Variants in RNF214 observed in about 807,000 individuals in gnomAD.
RNF214 encodes ring finger protein 214.
Under a neutral mutation model 75.9 loss-of-function variants are expected in RNF214, and 25 were observed. That is an observed-to-expected ratio of 0.33 (90% CI 0.24 to 0.46). RNF214 has a LOEUF of 0.46. Among genes scored for constraint, RNF214 ranks in the 20% least tolerant of loss-of-function variants. The pLI is 1.00. For synonymous variants in RNF214, 314 were observed against 308.8 expected (o/e 1.02, Z -0.18); for missense variants, 725 against 857.5 (o/e 0.85, Z 1.93).
chr11:117,250,099 T>C (rs2033331623), intron 6 of RNF214, among the ~76,000 whole-genome samples: 1 of 152,080 alleles, frequency 6.6e-6, no homozygotes, highest in African/African-American at 2.4e-5. Context: ...GATTGCAAAA[T>C]AGTGTAATGA....
intron 6 of RNF214, among the ~76,000 whole-genome samples, chr11:117,273,048 A>C (rs1291798753): frequency 5.9e-5 from 9 of 152,190 alleles, no homozygotes; most frequent in Non-Finnish European, 1.3e-4. Flanking sequence ...TATTTTTCAG[A>C]TAAAGATCAG....
intron 6 of RNF214, among the ~76,000 whole-genome samples, chr11:117,259,473 A>G (rs921243395): frequency 2.6e-5 from 4 of 152,246 alleles, no homozygotes; most frequent in African/African-American, 9.6e-5. Flanking sequence ...ATGTATGAAC[A>G]GTTTTATAAG....
intron 6 of RNF214, among the ~76,000 whole-genome samples, chr11:117,264,738 A>G (rs2033756336): frequency 1.3e-5 from 2 of 151,816 alleles, no homozygotes; most frequent in Admixed American, 6.6e-5. Flanking sequence ...TTTCCCCTTC[A>G]GCCTTTCTAT....
At chr11:117,264,247 C>T (rs964255424) in intron 6 of RNF214, among the ~76,000 whole-genome samples, 5 of 151,926 alleles carry the variant, frequency 3.3e-5, no homozygotes, top group Non-Finnish European at 2.9e-5. Context: ...GGCGTGAACC[C>T]GGGAGGCGGA....
intron 6 of RNF214, among the ~76,000 whole-genome samples, chr11:117,257,517 G>A (rs1481868058): frequency 6.6e-6 from 1 of 152,218 alleles, no homozygotes; most frequent in Non-Finnish European, 1.5e-5. Flanking sequence ...GGACATTCAA[G>A]TACTCAGTAG....
At chr11:117,262,903 T>C (rs945415318) in intron 6 of RNF214, among the ~76,000 whole-genome samples, 1 of 151,890 alleles carries the variant, frequency 6.6e-6, no homozygotes, top group African/African-American at 2.4e-5. Flanking sequence ...TCAACCCGGG[T>C]TCACACAATT....
At chr11:117,279,196 A>AT (rs1196169286) in intron 6 of RNF214, among the ~76,000 whole-genome samples, 2 of 152,202 alleles carry the variant, frequency 1.3e-5, no homozygotes, top group Non-Finnish European at 2.9e-5. Context: ...AGAATGCAGA[A>AT]TGCCATAATG....
At chr11:117,244,696 C>G in intron 5 of RNF214, 111 bp downstream of exon 5, 5 of 764,214 alleles carry the variant, frequency 6.5e-6, no homozygotes, top group African/African-American at 1.9e-5. Context: ...GACAGAGTCT[C>G]ACTCTGTCAC....
chr11:117,245,438 C>A (rs1048425641), intron 5 of RNF214, among the ~76,000 whole-genome samples: 1 of 150,806 alleles, frequency 6.6e-6, no homozygotes, highest in African/African-American at 2.4e-5. Context: ...CTCCTGGATT[C>A]ACGCCATTCT....
intron 5 of RNF214, 126 bp from the exon 6 acceptor site, chr11:117,246,683 T>C: frequency 1.0e-6 from 1 of 1,002,570 alleles, no homozygotes; most frequent in Non-Finnish European, 1.4e-6. Context: ...CCACATTCTT[T>C]CAATTCAATT....
chr11:117,249,667 G>A (rs767351372), intron 6 of RNF214, among the ~76,000 whole-genome samples: 8 of 152,166 alleles, frequency 5.3e-5, no homozygotes, highest in Admixed American at 1.3e-4. Flanking sequence ...CTGGAAATCC[G>A]ACATAAAGAT....
At chr11:117,247,509 T>G (rs2033256997) in intron 6 of RNF214, among the ~76,000 whole-genome samples, 1 of 152,006 alleles carries the variant, frequency 6.6e-6, no homozygotes, top group Non-Finnish European at 1.5e-5. Flanking sequence ...AAAAAAATTT[T>G]TTTTATATGA....
chr11:117,234,902 C>T (rs1015655800), intron 2 of RNF214, among the ~76,000 whole-genome samples: 6 of 152,142 alleles, frequency 3.9e-5, no homozygotes, highest in Non-Finnish European at 7.4e-5. Context: ...ATGCTCAAGT[C>T]CCTTACATAA....
At chr11:117,264,884 T>A (rs903111132) in intron 6 of RNF214, among the ~76,000 whole-genome samples, 5 of 151,806 alleles carry the variant, frequency 3.3e-5, no homozygotes, top group Non-Finnish European at 5.9e-5. Context: ...GCCAACATGG[T>A]GAAACCTCGT....
chr11:117,252,623 C>T (rs994090566), intron 6 of RNF214, among the ~76,000 whole-genome samples: 1 of 151,952 alleles, frequency 6.6e-6, no homozygotes, highest in South Asian at 2.1e-4. Flanking sequence ...CGGATTCAAG[C>T]GATTCTCCTG....
intron 14 of RNF214, among the ~76,000 whole-genome samples, 161 bp downstream of exon 14, chr11:117,283,371 T>G (rs1227436671): frequency 6.6e-6 from 1 of 151,612 alleles, no homozygotes; most frequent in Non-Finnish European, 1.5e-5. Flanking sequence ...TTTTGTTTTG[T>G]TTTGTTTTAG....
At chr11:117,268,822 G>T (rs1000442707) in intron 6 of RNF214, among the ~76,000 whole-genome samples, 2 of 152,166 alleles carry the variant, frequency 1.3e-5, no homozygotes. Context: ...TCATGAACAT[G>T]GAAGAGCGCT....
intron 6 of RNF214, among the ~76,000 whole-genome samples, chr11:117,253,665 G>A (rs2033453308): frequency 6.6e-6 from 1 of 151,484 alleles, no homozygotes; most frequent in South Asian, 2.1e-4. Context: ...AATATAGTGA[G>A]ACCTTATCTC....
intron 4 of RNF214, among the ~76,000 whole-genome samples, chr11:117,240,812 C>T (rs922436416): frequency 2.1e-4 from 32 of 152,184 alleles, no homozygotes; most frequent in South Asian, 2.1e-4. Context: ...GAGGCTGAGG[C>T]GGGTGGATCA....
Sources: gnomAD v4.1 joint callset for allele counts (sites outside exome capture counted in the v4.1 genomes callset) on GRCh38, gnomAD v4.1.1 for gene constraint, MANE v1.5 for transcripts, NCBI Gene and HGNC (gene_info 2026-07-23, HGNC 2026-07-21) for gene names.